The following DSCAM variants were observed in gnomAD, a reference collection of about 807,000 sequenced individuals.
DSCAM encodes the protein DS cell adhesion molecule, also known as cell adhesion molecule DSCAM.
DSCAM carries 47 observed loss-of-function variants against 217.7 expected under a neutral mutation model. The ratio of observed to expected loss-of-function variants is 0.22; its 90% CI spans 0.17 to 0.28. The LOEUF (loss-of-function observed/expected upper bound fraction) is 0.28. DSCAM is among the 10% of genes least tolerant of loss of function. DSCAM has a pLI of 1.00. For missense variants in DSCAM, 2,080 were observed against 2,618.3 expected, an observed-to-expected ratio of 0.79 and a Z score of 4.49; for synonymous variants, 1,056 against 1,015.3, an observed-to-expected ratio of 1.04 and a Z score of -0.76.
intron 27 of DSCAM, among the ~76,000 whole-genome samples, chr21:40,069,121 AT>A (rs1366529749): frequency 3.9e-5 from 6 of 151,990 alleles, no homozygotes; most frequent in African/African-American, 1.4e-4. Context: ...AAGAAAGAAA[AT>A]TGGGGCATCA....
chr21:40,097,759 G>GTGAA (rs1003861868), intron 20 of DSCAM, among the ~76,000 whole-genome samples: 1 of 151,740 alleles, frequency 6.6e-6, no homozygotes, highest in African/African-American at 2.4e-5. Flanking sequence ...AGCCAACGTG[G>GTGAA]TGAAACCCTG....
intron 3 of DSCAM, among the ~76,000 whole-genome samples, chr21:40,606,607 G>A (rs547408495): frequency 3.5e-4 from 53 of 152,306 alleles, no homozygotes; most frequent in African/African-American, 1.2e-3. Flanking sequence ...TAAAGAAGGT[G>A]CCCAAGGTCA....
At chr21:40,186,047 G>C (rs969517227) in intron 14 of DSCAM, among the ~76,000 whole-genome samples, 1 of 152,208 alleles carries the variant, frequency 6.6e-6, no homozygotes, top group East Asian at 1.9e-4. Context: ...CAACCCAGCA[G>C]TCACAGATAC....
chr21:40,483,204 G>C (rs974115284), intron 3 of DSCAM, among the ~76,000 whole-genome samples: 1 of 152,196 alleles, frequency 6.6e-6, no homozygotes, highest in African/African-American at 2.4e-5. Context: ...AACTCCTCAT[G>C]ATCTTGCAGG....
chr21:40,249,472 T>G (rs1229557244), intron 11 of DSCAM, among the ~76,000 whole-genome samples: 1 of 152,184 alleles, frequency 6.6e-6, no homozygotes, highest in Non-Finnish European at 1.5e-5. Context: ...CACAGCCACG[T>G]GGAACTATAA....
intron 3 of DSCAM, among the ~76,000 whole-genome samples, chr21:40,653,246 C>T (rs1478966679): frequency 6.6e-6 from 1 of 152,224 alleles, no homozygotes; most frequent in African/African-American, 2.4e-5. Flanking sequence ...TCTCAGGAAA[C>T]TCCAACACAG....
rs1442432444 is a variant in DSCAM, at chr21:40,490,039, C to A, written c.509-120794G>T. Among the ~76,000 whole-genome samples, 4 of 152,108 alleles carry A rather than the reference C, an allele frequency of 2.6e-5. No individual in the cohort carries two copies. The South Asian group carries it at 8.3e-4, about 31-fold the overall frequency. On this transcript the variant is annotated intron_variant, in intron 3 of 32. Transcript: ENST00000400454. Reference sequence around the variant, plus strand: ...CACATGGCTAGGGAGGCCACACAATCATGGCAGAAGGTGGATGAGAAGCAG... The same window carrying A: ...CACATGGCTAGGGAGGCCACACAATAATGGCAGAAGGTGGATGAGAAGCAG...
chr21:40,169,773 C>A (rs9976922), intron 15 of DSCAM, among the ~76,000 whole-genome samples: 28,330 of 151,884 alleles, frequency 0.19, 2,778 homozygotes, highest in East Asian at 0.22. Context: ...GGGGTTAGGT[C>A]TCTGGGCTGT....
chr21:40,839,225 A>G (rs1036829876), intron 1 of DSCAM, among the ~76,000 whole-genome samples: 8 of 152,186 alleles, frequency 5.3e-5, no homozygotes, highest in African/African-American at 1.7e-4. Context: ...CAGACTGACA[A>G]ATAAGGACTT....
At chr21:40,134,052 C>T in intron 18 of DSCAM, 43 bp from the exon 19 acceptor site, 2 of 1,573,520 alleles carry the variant, frequency 1.3e-6, no homozygotes, top group Non-Finnish European at 1.7e-6. Context: ...CTTCTGAGCC[C>T]ATTTCTGCTC....
chr21:40,662,034 C>T (rs987714986), intron 3 of DSCAM, among the ~76,000 whole-genome samples: 1 of 151,922 alleles, frequency 6.6e-6, no homozygotes, highest in African/African-American at 2.4e-5. Context: ...AGTAACATGC[C>T]CAGCCTTGTG....
chr21:40,514,992 T>A (rs2076288631), intron 3 of DSCAM, among the ~76,000 whole-genome samples: 1 of 152,208 alleles, frequency 6.6e-6, no homozygotes, highest in Non-Finnish European at 1.5e-5. Flanking sequence ...TTTTTCAAAT[T>A]TTCAGAAGCG....
At chr21:40,076,438 A>G (rs543244002) in intron 26 of DSCAM, among the ~76,000 whole-genome samples, 4 of 152,342 alleles carry the variant, frequency 2.6e-5, no homozygotes, top group Middle Eastern at 3.4e-3. Context: ...TCAAGATAAC[A>G]AAGTTCTTCA....
In DSCAM at chr21:40,456,496, C is replaced by T. The variant is rs545237327; in HGVS notation, c.509-87251G>A. ...CAAATGGGAAAATAGGCAGGAATTG[C>T]AGGGGCTGTAAAATCTTCCTGACAA... is the stretch of plus-strand genomic sequence containing the variant. On this transcript the variant is annotated intron_variant, in intron 3 of 32. Transcript: ENST00000400454. Among the ~76,000 whole-genome samples the T allele has an allele frequency of 2.6e-5, 4 of 152,078 alleles. 1 individual carries two copies. The highest frequency in any genetic ancestry group is 9.6e-5 in the African/African-American group (4 of 41,480).
At chr21:40,233,327 T>C (rs1360800311) in intron 11 of DSCAM, among the ~76,000 whole-genome samples, 3 of 152,324 alleles carry the variant, frequency 2.0e-5, no homozygotes, top group East Asian at 3.9e-4. Context: ...ATATTTTAAA[T>C]ATATTTTTTT....
At chr21:40,774,003 G>A (rs1601243057) in intron 1 of DSCAM, among the ~76,000 whole-genome samples, 1 of 152,160 alleles carries the variant, frequency 6.6e-6, no homozygotes, top group Non-Finnish European at 1.5e-5. Flanking sequence ...TGGTCCCATG[G>A]GAAGCTGAAA....
At chr21:40,825,804 T>C (rs2091964204) in intron 1 of DSCAM, among the ~76,000 whole-genome samples, 1 of 152,174 alleles carries the variant, frequency 6.6e-6, no homozygotes, top group African/African-American at 2.4e-5. Flanking sequence ...GATCTTTTAA[T>C]TAAAATACAA....
chr21:40,120,045 G>C (rs138545020), intron 20 of DSCAM, among the ~76,000 whole-genome samples: 6 of 152,286 alleles, frequency 3.9e-5, no homozygotes, highest in African/African-American at 1.2e-4. Flanking sequence ...GTGGGAAGCT[G>C]TCTGGACCTG....
intron 3 of DSCAM, among the ~76,000 whole-genome samples, chr21:40,545,488 G>A (rs2076574749): frequency 6.6e-6 from 1 of 152,068 alleles, no homozygotes; most frequent in Non-Finnish European, 1.5e-5. Context: ...TTTTCTTTCA[G>A]TCTGTGCTTT....
Sources: gnomAD v4.1 joint callset for allele counts (sites outside exome capture counted in the v4.1 genomes callset) on GRCh38, gnomAD v4.1.1 for gene constraint, MANE v1.5 for transcripts, NCBI Gene and HGNC (gene_info 2026-07-23, HGNC 2026-07-21) for gene names.